The following TANC1 variants were observed in gnomAD, a reference collection of about 807,000 sequenced individuals.
The protein encoded by TANC1 is protein TANC1.
Under a neutral mutation model 149.7 loss-of-function variants are expected in TANC1, and 77 were observed. The observed-to-expected ratio is 0.51, with a 90% CI of 0.43 to 0.62. The LOEUF (loss-of-function observed/expected upper bound fraction) is 0.62. TANC1 is among the 20% of genes least tolerant of loss of function. The probability of loss-of-function intolerance (pLI) is 0.00; values close to 1 mark genes in which losing one functional copy is unlikely to be tolerated. For missense variants in TANC1, 1,985 were observed against 2,321.8 expected (o/e 0.85, Z 2.98); for synonymous variants, 854 against 925.0 (o/e 0.92, Z 1.39).
intron 5 of TANC1, among the ~76,000 whole-genome samples, chr2:159,139,179 G>T (rs1458929216): frequency 6.6e-6 from 1 of 152,074 alleles, no homozygotes. Context: ...AACAGCCTGA[G>T]CAGCATAGTG....
intron 3 of TANC1, among the ~76,000 whole-genome samples, chr2:159,073,383 C>CTCTG (rs1435925291): frequency 6.6e-6 from 1 of 152,170 alleles, no homozygotes; most frequent in Non-Finnish European, 1.5e-5. Context: ...TTGGAGAAAG[C>CTCTG]TCTGGACCCC....
At chr2:159,109,083 A>G (rs1159770063) in intron 4 of TANC1, among the ~76,000 whole-genome samples, 1 of 152,206 alleles carries the variant, frequency 6.6e-6, no homozygotes, top group African/African-American at 2.4e-5. Flanking sequence ...ACAGCTAATG[A>G]GCTGACCTTT....
chr2:159,217,125 T>C (rs1385195233), intron 19 of TANC1, among the ~76,000 whole-genome samples: 1 of 152,168 alleles, frequency 6.6e-6, no homozygotes, highest in East Asian at 1.9e-4. Context: ...TGCATGTGGC[T>C]GGCTGGCTGG....
chr2:159,008,646 T>C (rs2037459513), intron 2 of TANC1, among the ~76,000 whole-genome samples: 2 of 152,236 alleles, frequency 1.3e-5, no homozygotes, highest in African/African-American at 4.8e-5. Flanking sequence ...GTTGTCTGAA[T>C]GTATGTGGTA....
rs116162953 is a variant in TANC1, at chr2:159,115,374, C to A, written c.259+17540C>A. On this transcript the variant is annotated intron_variant, in intron 4 of 26. Transcript: ENST00000263635. Reference sequence around the variant, plus strand: ...AGACTGGGACTCCTTGAGTCAAATGCAGTATAGTGGCTTAACTCTGCAGGG... The same window carrying A: ...AGACTGGGACTCCTTGAGTCAAATGAAGTATAGTGGCTTAACTCTGCAGGG... Among the ~76,000 whole-genome samples, 850 of 152,140 alleles carry A rather than the reference C, an allele frequency of 5.6e-3. 6 individuals carry two copies. The highest frequency in any genetic ancestry group is 0.019 in the African/African-American group (800 of 41,488).
chr2:159,180,984 G>A (rs1314076613), intron 14 of TANC1, among the ~76,000 whole-genome samples: 2 of 152,078 alleles, frequency 1.3e-5, no homozygotes, highest in Admixed American at 1.3e-4. Flanking sequence ...GGTGGGTTGG[G>A]CCTCGAAAAA....
intron 2 of TANC1, among the ~76,000 whole-genome samples, chr2:159,062,859 C>G (rs1407885504): frequency 2.0e-5 from 3 of 150,412 alleles, no homozygotes; most frequent in South Asian, 4.2e-4. Flanking sequence ...CCCAGCTACT[C>G]AGGAGGCTGA....
chr2:159,198,125 C>T (rs1003104992), intron 18 of TANC1, among the ~76,000 whole-genome samples: 2 of 152,192 alleles, frequency 1.3e-5, no homozygotes, highest in African/African-American at 2.4e-5. Context: ...TTTCCTCTGT[C>T]CTCTGACCTG....
Position 159,230,585 on chromosome 2 carries a change from A to G in TANC1, c.5159A>G (p.Asn1720Ser). 6.2e-7 allele frequency: 1 copy of G among 1,614,184 alleles called. No homozygotes were observed. Among genetic ancestry groups the G allele is most frequent in the South Asian group, 1.1e-5 (1 of 91,080 alleles). ...GGTACAGCTGAGCACAGACCCCGCA[A>G]CACGCCGTTCATGGGCATCATGGAT... ...QSGTAEHRPR[N>S]TPFMGIMDKT... The change falls in exon 27 of 27, where the codon AAC becomes AGC. Residue 1720 changes from asparagine to serine, a missense_variant. By Grantham distance (46) the Asn-to-Ser change is conservative. This residue lies in a region of TANC1 where 920 missense variants were observed against 994.7 expected (regional missense o/e 0.92). Transcript: ENST00000263635. The surrounding 1 kb of genome is among the most constrained non-coding windows in gnomAD (Gnocchi z 4.4).
intron 2 of TANC1, among the ~76,000 whole-genome samples, chr2:159,059,174 T>G (rs533922522): frequency 2.0e-5 from 3 of 152,176 alleles, no homozygotes; most frequent in Non-Finnish European, 2.9e-5. Flanking sequence ...GAGAATAAAT[T>G]ATAGTTTAAT....
intron 4 of TANC1, among the ~76,000 whole-genome samples, chr2:159,111,735 G>C (rs185718004): frequency 2.4e-4 from 36 of 152,270 alleles, no homozygotes; most frequent in Admixed American, 2.0e-3. Flanking sequence ...ATGCAAGTGA[G>C]GTCATTGTGC....
chr2:159,193,765 C>A (rs1575184270), intron 16 of TANC1, among the ~76,000 whole-genome samples: 1 of 152,324 alleles, frequency 6.6e-6, no homozygotes, highest in East Asian at 1.9e-4. Context: ...TCGTGATCCA[C>A]CCGCCATGGC....
chr2:159,148,886 A>C (rs191758445), intron 5 of TANC1: 43 of 322,224 alleles, frequency 1.3e-4, no homozygotes, highest in African/African-American at 8.3e-4. Flanking sequence ...CGGAATTAGG[A>C]ATTGCCGTCA....
intron 4 of TANC1, among the ~76,000 whole-genome samples, chr2:159,118,661 GAA>G (rs1357575018): frequency 6.6e-6 from 1 of 152,208 alleles, no homozygotes; most frequent in Admixed American, 6.5e-5. Flanking sequence ...ACCTTAAGGA[GAA>G]AGCATTTTTG....
chr2:159,143,062 CA>C (rs70994269), intron 5 of TANC1, among the ~76,000 whole-genome samples: 23,555 of 86,786 alleles, frequency 0.27, 1,525 homozygotes, highest in South Asian at 0.33. Flanking sequence ...GACTCTGTCT[CA>C]AAAAAAAAAA....
At chr2:159,107,926 T>C (rs1054557204) in intron 4 of TANC1, among the ~76,000 whole-genome samples, 5 of 152,232 alleles carry the variant, frequency 3.3e-5, no homozygotes, top group African/African-American at 1.2e-4. Context: ...TGCTGTCTTG[T>C]CTTTGTTGAC....
intron 2 of TANC1, among the ~76,000 whole-genome samples, chr2:159,027,438 A>G (rs2039438015): frequency 6.6e-6 from 1 of 152,156 alleles, no homozygotes. Flanking sequence ...AGTTTCCAGT[A>G]CTTTGTTCCT....
intron 2 of TANC1, among the ~76,000 whole-genome samples, chr2:159,058,514 G>A (rs930563626): frequency 2.0e-5 from 3 of 152,106 alleles, no homozygotes; most frequent in African/African-American, 7.2e-5. Flanking sequence ...TGCCATGGGG[G>A]ATTTGTGGAG....
At chr2:159,090,833 G>T (rs1218601083) in intron 3 of TANC1, among the ~76,000 whole-genome samples, 1 of 152,178 alleles carries the variant, frequency 6.6e-6, no homozygotes, top group Non-Finnish European at 1.5e-5. Flanking sequence ...GGAGAGGAGA[G>T]GAAACTAGGG....
Sources: allele counts gnomAD v4.1 joint callset (sites outside exome capture counted in the v4.1 genomes callset), GRCh38; gene constraint gnomAD v4.1.1; regional missense constraint gnomAD v4.1.1; non-coding constraint Gnocchi (gnomAD v3.1); transcripts MANE v1.5; gene names NCBI Gene and HGNC (gene_info 2026-07-23, HGNC 2026-07-21).